Variants in FNDC3B observed in about 807,000 individuals in gnomAD.
FNDC3B encodes fibronectin type III domain-containing protein 3B.
In FNDC3B, 12 loss-of-function variants were observed where a neutral mutation model predicts 151.5. That is an observed-to-expected ratio of 0.08 (90% CI 0.05 to 0.13). The LOEUF is 0.13. Among genes scored for constraint, FNDC3B ranks in the 10% least tolerant of loss-of-function variants. The pLI is 1.00. For missense variants in FNDC3B, 1,214 were observed against 1,505.3 expected (o/e 0.81, Z 3.20); for synonymous variants, 528 against 549.0 (o/e 0.96, Z 0.54).
At chr3:172,291,607 T>C (rs1730344435) in intron 7 of FNDC3B, among the ~76,000 whole-genome samples, 1 of 152,206 alleles carries the variant, frequency 6.6e-6, no homozygotes, top group East Asian at 1.9e-4. Context: ...TATATTACTA[T>C]TGCAGAAACA....
At chr3:172,111,471 G>T (rs971741342) in intron 1 of FNDC3B, among the ~76,000 whole-genome samples, 5 of 152,172 alleles carry the variant, frequency 3.3e-5, no homozygotes, top group Admixed American at 6.5e-5. Flanking sequence ...GTTGGGATAA[G>T]ACTTCATTTT....
intron 1 of FNDC3B, among the ~76,000 whole-genome samples, chr3:172,045,826 T>C (rs1034334405): frequency 1.3e-5 from 2 of 151,986 alleles, no homozygotes; most frequent in Non-Finnish European, 2.9e-5. Context: ...CCTTAAAATA[T>C]ATATTATGGT....
chr3:172,347,165 T>A, intron 20 of FNDC3B, 47 bp from the exon 21 acceptor site: 1 of 1,552,876 alleles, frequency 6.4e-7, no homozygotes, highest in Non-Finnish European at 8.8e-7. Context: ...ACAGTAGGAT[T>A]CTCTTCTCAG....
At chr3:172,348,876 G>T (rs894153090) in intron 21 of FNDC3B, among the ~76,000 whole-genome samples, 1 of 152,084 alleles carries the variant, frequency 6.6e-6, no homozygotes, top group African/African-American at 2.4e-5. Context: ...TGCCAGGAAG[G>T]GGGTCTGTTC....
intron 3 of FNDC3B, among the ~76,000 whole-genome samples, chr3:172,214,561 G>T (rs964149699): frequency 6.6e-6 from 1 of 151,558 alleles, no homozygotes; most frequent in Admixed American, 6.6e-5. Context: ...GGAATATTTG[G>T]TTCATTTTTT....
intron 6 of FNDC3B, among the ~76,000 whole-genome samples, chr3:172,261,388 A>C (rs1251257810): frequency 6.6e-6 from 1 of 152,226 alleles, no homozygotes; most frequent in Non-Finnish European, 1.5e-5. Flanking sequence ...GGATCTTTAC[A>C]TAAACTGCAG....
At chr3:172,209,671 T>C (rs1725626846) in intron 3 of FNDC3B, among the ~76,000 whole-genome samples, 1 of 152,180 alleles carries the variant, frequency 6.6e-6, no homozygotes, top group South Asian at 2.1e-4. Flanking sequence ...CACCCAGAAC[T>C]GGCAGCCTCG....
At chr3:172,098,553 T>A (rs1034706277) in intron 1 of FNDC3B, among the ~76,000 whole-genome samples, 4 of 152,258 alleles carry the variant, frequency 2.6e-5, no homozygotes, top group African/African-American at 9.6e-5. Context: ...AATTGCACAT[T>A]CAATGTTAAC....
intron 2 of FNDC3B, among the ~76,000 whole-genome samples, chr3:172,116,729 C>A (rs1720273896): frequency 6.6e-6 from 1 of 152,064 alleles, no homozygotes; most frequent in African/African-American, 2.4e-5. Context: ...CCACGCCTGG[C>A]TAATTTTTGT....
chr3:172,334,229 A>G (rs1732834087), intron 14 of FNDC3B, among the ~76,000 whole-genome samples: 1 of 152,128 alleles, frequency 6.6e-6, no homozygotes, highest in Admixed American at 6.5e-5. Flanking sequence ...CTTATTATCG[A>G]TGCTGGCTAT....
chr3:172,078,682 G>A, intron 1 of FNDC3B, among the ~76,000 whole-genome samples: 1 of 152,250 alleles, frequency 6.6e-6, no homozygotes, highest in East Asian at 1.9e-4. Flanking sequence ...GGTTGCTGTA[G>A]ATGAGAAAAC....
At chr3:172,316,974 C>G (rs1460490138) in intron 11 of FNDC3B, among the ~76,000 whole-genome samples, 2 of 152,156 alleles carry the variant, frequency 1.3e-5, no homozygotes, top group Non-Finnish European at 2.9e-5. Flanking sequence ...TAATAGAAGA[C>G]AGGAGGGCAA....
chr3:172,334,291 G>A (rs1485476383), intron 14 of FNDC3B, among the ~76,000 whole-genome samples: 1 of 150,962 alleles, frequency 6.6e-6, no homozygotes, highest in Non-Finnish European at 1.5e-5. Context: ...ATTGCCCTAC[G>A]CTTTAAAAAG....
At chr3:172,377,247 C>T (rs549390074) in intron 23 of FNDC3B, among the ~76,000 whole-genome samples, 4 of 152,270 alleles carry the variant, frequency 2.6e-5, no homozygotes, top group Middle Eastern at 3.4e-3. Context: ...ATGTAGAATC[C>T]ATTGGCCTGT....
chr3:172,073,004 C>T (rs1277434683), intron 1 of FNDC3B, among the ~76,000 whole-genome samples: 2 of 152,114 alleles, frequency 1.3e-5, no homozygotes, highest in Non-Finnish European at 2.9e-5. Flanking sequence ...TGGTGGGGCT[C>T]TGAAATGGAA....
chr3:172,043,288 G>A (rs1343314522), intron 1 of FNDC3B, among the ~76,000 whole-genome samples: 1 of 152,092 alleles, frequency 6.6e-6, no homozygotes, highest in Non-Finnish European at 1.5e-5. Context: ...ATATTGGAGA[G>A]CAAAGTGTAG....
chr3:172,187,139 T>A (rs530769800), intron 3 of FNDC3B: 230 of 179,528 alleles, frequency 1.3e-3, no homozygotes, highest in Non-Finnish European at 2.3e-3. Flanking sequence ...CTTTTCCCCA[T>A]ATCCTAGTTG....
chr3:172,352,867 C>G lies in FNDC3B; in HGVS notation c.2579C>G (p.Ala860Gly). The change falls in exon 22 of 26, where the codon GCC becomes GGC. Residue 860 changes from alanine (A) to glycine (G), a missense_variant. Ala to Gly is a moderately conservative substitution (Grantham distance 60, BLOSUM62 0). Transcript: ENST00000415807. The surrounding 1 kb of genome is among the most constrained non-coding windows in gnomAD (Gnocchi z 4.2). ...ELVLCQTPAS[A>G]PDPVSTLCVL... The stretch of plus-strand genomic sequence containing the variant: ...GTCCTTTGCCAGACGCCAGCGTCTG[C>G]CCCTGACCCCGTCTCCACTCTCTGT... 1 of 1,614,130 alleles carries G rather than the reference C, an allele frequency of 6.2e-7. No homozygotes were observed. The highest frequency in any genetic ancestry group is 8.5e-7 in the Non-Finnish European group (1 of 1,179,968).
chr3:172,176,718 T>C (rs1236032935), intron 3 of FNDC3B, among the ~76,000 whole-genome samples: 1 of 152,218 alleles, frequency 6.6e-6, no homozygotes, highest in Non-Finnish European at 1.5e-5. Context: ...ATGTCTGTTA[T>C]TACTTTTTTG....
Sources: allele counts gnomAD v4.1 joint callset (sites outside exome capture counted in the v4.1 genomes callset), GRCh38; gene constraint gnomAD v4.1.1; non-coding constraint Gnocchi (gnomAD v3.1); transcripts MANE v1.5; gene names NCBI Gene and HGNC (gene_info 2026-07-23, HGNC 2026-07-21).